Variants in PTPRD observed in about 807,000 individuals in gnomAD.
PTPRD encodes the protein receptor-type tyrosine-protein phosphatase delta.
Under a neutral mutation model 214.5 loss-of-function variants are expected in PTPRD, and 34 were observed. The observed-to-expected ratio is 0.16, with a 90% CI of 0.12 to 0.21. PTPRD has a LOEUF of 0.21. PTPRD is among the 10% of genes least tolerant of loss of function. The probability of loss-of-function intolerance (pLI) is 1.00; values close to 1 mark genes in which losing one functional copy is unlikely to be tolerated. For missense variants in PTPRD, 2,545 were observed against 2,398.7 expected, an observed-to-expected ratio of 1.06 and a Z score of -1.27; for synonymous variants, 1,128 against 845.7, an observed-to-expected ratio of 1.33 and a Z score of -5.79.
intron 14 of PTPRD, among the ~76,000 whole-genome samples, chr9:8,591,237 T>A (rs566814032): frequency 6.6e-6 from 1 of 152,298 alleles, no homozygotes; most frequent in South Asian, 2.1e-4. Flanking sequence ...CTTTGCCTTG[T>A]AGGGTAACAT....
At chr9:9,031,435 G>A (rs1459923408) in intron 10 of PTPRD, among the ~76,000 whole-genome samples, 1 of 151,968 alleles carries the variant, frequency 6.6e-6, no homozygotes, top group African/African-American at 2.4e-5. Context: ...TAGCTCCTAG[G>A]TCACAACGTG....
At chr9:8,629,979 A>C (rs1017430950) in intron 14 of PTPRD, among the ~76,000 whole-genome samples, 1 of 151,832 alleles carries the variant, frequency 6.6e-6, no homozygotes, top group Non-Finnish European at 1.5e-5. Context: ...TTCGAGGCAC[A>C]TGGGTGGTCA....
At chr9:9,949,683 C>T (rs1249383176) in intron 4 of PTPRD, among the ~76,000 whole-genome samples, 1 of 149,542 alleles carries the variant, frequency 6.7e-6, no homozygotes, top group Non-Finnish European at 1.5e-5. Context: ...GGCAAAGAAA[C>T]AAACAAACAA....
At chr9:8,360,560 T>C (rs1485474804) in intron 39 of PTPRD, among the ~76,000 whole-genome samples, 2 of 152,216 alleles carry the variant, frequency 1.3e-5, no homozygotes, top group Non-Finnish European at 2.9e-5. Context: ...GATCTCTTCA[T>C]ATATGATGAT....
intron 5 of PTPRD, among the ~76,000 whole-genome samples, chr9:9,936,684 A>G (rs1225365580): frequency 9.1e-5 from 12 of 132,122 alleles, no homozygotes; most frequent in African/African-American, 2.2e-4. Context: ...TCAGGGATCT[A>G]GAACTAGAAA....
At chr9:9,348,371 T>A (rs1312224825) in intron 9 of PTPRD, among the ~76,000 whole-genome samples, 1 of 152,170 alleles carries the variant, frequency 6.6e-6, no homozygotes, top group Non-Finnish European at 1.5e-5. Context: ...TTATTTTCAA[T>A]AAATGCCTAC....
chr9:8,507,912 A>G (rs62534041), intron 21 of PTPRD, among the ~76,000 whole-genome samples: 16,762 of 152,192 alleles, frequency 0.11, 1,033 homozygotes, highest in Non-Finnish European at 0.14. Flanking sequence ...CTTTACGCCA[A>G]TAACAAAACC....
chr9:9,839,433 G>T (rs2057727947), intron 5 of PTPRD, among the ~76,000 whole-genome samples: 1 of 152,136 alleles, frequency 6.6e-6, no homozygotes, highest in Non-Finnish European at 1.5e-5. Context: ...GGGAAATCAT[G>T]AGGGAACTCC....
intron 2 of PTPRD, among the ~76,000 whole-genome samples, chr9:10,485,924 G>C (rs2099129612): frequency 1.3e-5 from 2 of 151,906 alleles, no homozygotes; most frequent in East Asian, 1.9e-4. Context: ...ATCAGTTGCA[G>C]TATCTCCTTA....
chr9:8,867,313 CA>C (rs2098216307), intron 11 of PTPRD, among the ~76,000 whole-genome samples: 2 of 152,112 alleles, frequency 1.3e-5, no homozygotes, highest in South Asian at 4.1e-4. Context: ...TGGAGAAGCA[CA>C]AAAGCAAATC....
chr9:9,244,471 G>A (rs887635721), intron 9 of PTPRD, among the ~76,000 whole-genome samples: 1 of 152,112 alleles, frequency 6.6e-6, no homozygotes, highest in South Asian at 2.1e-4. Context: ...AGAGCCCTCA[G>A]AAATAATGCC....
chr9:8,494,551 C>T (rs1483141393), intron 26 of PTPRD, among the ~76,000 whole-genome samples: 1 of 152,212 alleles, frequency 6.6e-6, no homozygotes, highest in Non-Finnish European at 1.5e-5. Flanking sequence ...GTTCCCCTCA[C>T]ATGCCACTGG....
intron 8 of PTPRD, among the ~76,000 whole-genome samples, chr9:9,474,191 C>A (rs561126213): frequency 6.6e-6 from 1 of 152,080 alleles, no homozygotes; most frequent in East Asian, 1.9e-4. Context: ...TCCAGTTTTC[C>A]AGCACCATTT....
At chr9:10,036,486 G>T (rs939367689) in intron 3 of PTPRD, among the ~76,000 whole-genome samples, 1 of 138,514 alleles carries the variant, frequency 7.2e-6, no homozygotes. Flanking sequence ...TAGCAGCAAG[G>T]CACACATACA....
At chr9:9,243,586 A>G (rs2099971484) in intron 9 of PTPRD, among the ~76,000 whole-genome samples, 2 of 152,182 alleles carry the variant, frequency 1.3e-5, no homozygotes, top group Admixed American at 1.3e-4. Flanking sequence ...GATAAAATTC[A>G]ACAATCTTCA....
chr9:8,585,521 T>C lies in PTPRD; in HGVS notation c.352+47796A>G, dbSNP rs72696686. Among the ~76,000 whole-genome samples the C allele has an allele frequency of 2.5e-3, 387 of 152,228 alleles. 1 individual carries two copies. Among genetic ancestry groups the C allele is most frequent in the Middle Eastern group, 6.8e-3 (2 of 294 alleles). ...CACCATAAAAATGTGTAAGAATTGG[T>C]GGGATTTAATTTCATTTGGGTCACA... On this transcript the variant is annotated intron_variant, in intron 14 of 45. Coordinates refer to ENST00000381196, the MANE Select transcript of PTPRD (RefSeq NM_002839.4).
intron 11 of PTPRD, among the ~76,000 whole-genome samples, chr9:8,978,168 G>A (rs1432318374): frequency 6.6e-6 from 1 of 152,040 alleles, no homozygotes; most frequent in African/African-American, 2.4e-5. Flanking sequence ...TTTTGGGGAA[G>A]GGAGGTCCTT....
At chr9:10,169,473 CAAAAAA>C (rs59335943) in intron 3 of PTPRD, among the ~76,000 whole-genome samples, 6 of 66,874 alleles carry the variant, frequency 9.0e-5, no homozygotes, top group African/African-American at 3.6e-4. Context: ...GACTCTGTCT[CAAAAAA>C]AAAAAAAAAA....
At chr9:9,834,449 G>C (rs2056107046) in intron 5 of PTPRD, among the ~76,000 whole-genome samples, 1 of 152,060 alleles carries the variant, frequency 6.6e-6, no homozygotes, top group Non-Finnish European at 1.5e-5. Context: ...GTTTATAGTG[G>C]TCAGGTGAAG....
Sources: allele counts gnomAD v4.1 joint callset (sites outside exome capture counted in the v4.1 genomes callset), GRCh38; gene constraint gnomAD v4.1.1; transcripts MANE v1.5; gene names NCBI Gene and HGNC (gene_info 2026-07-23, HGNC 2026-07-21).